The following ANKRD27 variants were observed in gnomAD, a reference collection of about 807,000 sequenced individuals.
ANKRD27 encodes ankyrin repeat domain 27.
In ANKRD27, 112 loss-of-function variants were observed where a neutral mutation model predicts 129.7. The observed-to-expected ratio is 0.86, with a 90% confidence interval of 0.74 to 1.01. The LOEUF (loss-of-function observed/expected upper bound fraction) is 1.01, where lower values mean the gene tolerates loss of function less well. Among genes scored for constraint, ANKRD27 ranks in the 50% least tolerant of loss-of-function variants. The pLI is 0.00. For missense variants in ANKRD27, 1,258 were observed against 1,300.5 expected (o/e 0.97, Z 0.50); for synonymous variants, 516 against 511.2 (o/e 1.01, Z -0.13).
At chr19:32,607,542 T>G in intron 23 of ANKRD27, 93 bp downstream of exon 23, 3 of 1,435,286 alleles carry the variant, frequency 2.1e-6, no homozygotes, top group Non-Finnish European at 1.9e-6. Flanking sequence ...TCCTCCAGGG[T>G]AGCCACCAAA....
chr19:32,617,195 A>T (rs1358697057), intron 21 of ANKRD27, among the ~76,000 whole-genome samples: 1 of 152,194 alleles, frequency 6.6e-6, no homozygotes, highest in Non-Finnish European at 1.5e-5. Flanking sequence ...TGAACCGGAG[A>T]CAAGAAACAC....
intron 18 of ANKRD27, among the ~76,000 whole-genome samples, chr19:32,621,364 C>G (rs141467643): frequency 1.6e-3 from 237 of 152,288 alleles, no homozygotes; most frequent in African/African-American, 5.5e-3. Context: ...CAATAACTCA[C>G]ACCTGTAATC....
chr19:32,616,028 A>G (rs1283592640), intron 21 of ANKRD27, among the ~76,000 whole-genome samples: 4 of 152,122 alleles, frequency 2.6e-5, no homozygotes, highest in Non-Finnish European at 5.9e-5. Context: ...CCTCAGGGTG[A>G]TGGCTTTAAA....
chr19:32,635,284 C>G (rs1967068722), intron 12 of ANKRD27, among the ~76,000 whole-genome samples: 1 of 152,080 alleles, frequency 6.6e-6, no homozygotes, highest in Non-Finnish European at 1.5e-5. Context: ...TCTTGCCCTG[C>G]AAGAACCAGA....
chr19:32,649,453 T>C lies in ANKRD27; in HGVS notation c.213+229A>G, dbSNP rs1001063562. Among the ~76,000 whole-genome samples, 11 of 152,210 alleles carry C rather than the reference T, an allele frequency of 7.2e-5. No homozygotes were observed. The East Asian group carries it at 9.7e-4, about 13-fold the overall frequency. On this transcript the variant is annotated intron_variant, in intron 3 of 28. Transcript: ENST00000306065. ...CCATCACGGGATCAGAGAGAGATGCTTGGCACCTCCCGGCCTCCAAGACAG... is the reference window on the plus strand; with the variant it reads ...CCATCACGGGATCAGAGAGAGATGCCTGGCACCTCCCGGCCTCCAAGACAG...
rs201026675 is a variant in ANKRD27, at chr19:32,639,382, G to A, written c.1090C>T (p.Gln364Ter). The part of the protein sequence containing the change: ...SFEAAIEYIR[Q>*]GSLSAKPPES... Reference sequence around the variant, plus strand: ...GGGGGTTTAGCAGAGAGGCTTCCTTGCCGAATATATTCAATGGCAGCTTCG... The same window carrying A: ...GGGGGTTTAGCAGAGAGGCTTCCTTACCGAATATATTCAATGGCAGCTTCG... The change falls in exon 12 of 29, where the codon CAA (glutamine) becomes TAA (stop). Residue 364 changes from glutamine to a stop codon, truncating the protein, a stop_gained. Coordinates refer to ENST00000306065, the MANE Select transcript of ANKRD27 (RefSeq NM_032139.3). LOFTEE classifies it high-confidence loss of function. 6.2e-7 allele frequency: 1 copy of A among 1,614,208 alleles called. No individual in the cohort carries two copies. Among genetic ancestry groups the A allele is most frequent in the African/African-American group, 1.3e-5 (1 of 75,062 alleles).
In ANKRD27 at chr19:32,604,340, C is replaced by G; in HGVS notation, c.2578G>C (p.Glu860Gln). 6.2e-7 allele frequency: 1 copy of G among 1,614,048 alleles called. No homozygotes were observed. The highest frequency in any genetic ancestry group is 8.5e-7 in the Non-Finnish European group (1 of 1,179,932). ...AVIEKHVFVVELLLLHGASVQ... is the reference protein window; with the variant it reads ...AVIEKHVFVVQLLLLHGASVQ... The stretch of plus-strand genomic sequence containing the variant: ...GACGCTCCGTGGAGCAGAAGCAGCT[C>G]TACCACGAAGACGTGCTTTTCAATC... Residue 860 changes from glutamate to glutamine, a missense_variant, in exon 25 of 29, where the codon GAG becomes CAG. Physicochemically the swap from Glu to Gln is conservative, Grantham distance 29. Coordinates refer to ENST00000306065, the MANE Select transcript of ANKRD27 (RefSeq NM_032139.3).
intron 12 of ANKRD27, among the ~76,000 whole-genome samples, chr19:32,635,271 G>A (rs1343474347): frequency 6.6e-6 from 1 of 152,110 alleles, no homozygotes; most frequent in Non-Finnish European, 1.5e-5. Flanking sequence ...AGACCAATCT[G>A]TTTCTTGCCC....
Position 32,643,317 on chromosome 19 carries a change from A to G in ANKRD27, c.675T>C (p.Phe225=), listed in dbSNP as rs758171513. The G allele has an allele frequency of 1.2e-6, 2 of 1,613,972 alleles. No homozygotes were observed. The highest frequency in any genetic ancestry group is 2.2e-5 in the East Asian group (1 of 44,888). The change falls in exon 8 of 29, where the codon TTT becomes TTC. Residue 225 remains phenylalanine (F), a synonymous_variant. Transcript: ENST00000306065. ...TTGCCTCCATGGTCCCCACGTATTT[A>G]AAGATCAGGTTGTAAATTTCATGAT... ...YVHHEIYNLI[F]KYVGTMEASE... is the part of the protein sequence containing the mutation.
intron 28 of ANKRD27, among the ~76,000 whole-genome samples, chr19:32,599,224 T>C (rs1971613935): frequency 6.6e-6 from 1 of 152,184 alleles, no homozygotes; most frequent in Non-Finnish European, 1.5e-5. Context: ...GAGACTGCAG[T>C]GAGCCGAGAT....
intron 1 of ANKRD27, among the ~76,000 whole-genome samples, chr19:32,672,310 T>C (rs1169060948): frequency 1.3e-5 from 2 of 152,256 alleles, no homozygotes; most frequent in African/African-American, 4.8e-5. Context: ...GATGTATGTA[T>C]GCTGTTACAG....
intron 20 of ANKRD27, 119 bp downstream of exon 20, chr19:32,619,141 T>C (rs28505804): frequency 0.54 from 742,429 of 1,364,826 alleles, 205,622 homozygotes; most frequent in Non-Finnish European, 0.57. Flanking sequence ...AGCAGCGGCC[T>C]CAGCATGGGC....
At chr19:32,604,222 G>C in intron 25 of ANKRD27, 41 bp downstream of exon 25, 1 of 1,560,024 alleles carries the variant, frequency 6.4e-7, no homozygotes. Context: ...GAGCTGTGAG[G>C]AGCTCAGGAT....
chr19:32,620,284 C>A (rs1007862867), intron 18 of ANKRD27, among the ~76,000 whole-genome samples: 3 of 151,270 alleles, frequency 2.0e-5, no homozygotes, highest in Non-Finnish European at 4.4e-5. Context: ...GGAAGCCGGG[C>A]GAGATGACCC....
intron 1 of ANKRD27, chr19:32,673,524 T>C (rs1206682767): frequency 1.1e-6 from 1 of 870,478 alleles, no homozygotes; most frequent in Non-Finnish European, 1.4e-6. Context: ...ACATCTGGCC[T>C]CTGGCCACCT....
rs1298513143 is a variant in ANKRD27, at chr19:32,597,290, C to G, written c.*855G>C. On this transcript the variant is annotated 3_prime_UTR_variant, in exon 29 of 29. Coordinates refer to ENST00000306065, the MANE Select transcript of ANKRD27 (RefSeq NM_032139.3). ...AAAAAGGAATAAATGGCAATAAATT[C>G]TAACCGAAAGTAACTCTGACCTGGT... 6.6e-6 allele frequency: 1 copy of G among 152,560 alleles called. No homozygotes were observed. Among genetic ancestry groups the G allele is most frequent in the Non-Finnish European group, 1.5e-5 (1 of 68,024 alleles). The allele number at this position is 152,560 out of a possible 1,614,324, so 9.5% of individuals were successfully genotyped here.
chr19:32,656,059 AAAAGAAAGAAAGAAAG>A (rs752509674), intron 2 of ANKRD27, among the ~76,000 whole-genome samples: 20 of 65,880 alleles, frequency 3.0e-4, no homozygotes, highest in East Asian at 9.4e-4. Flanking sequence ...GAAAAGAAAG[AAAAGAAAGAAAGAAAG>A]AAAGAAAGAA....
In ANKRD27 at chr19:32,619,497, G is replaced by A. The variant is rs1301660578; in HGVS notation, c.1884C>T (p.Ser628=). 18 of 1,613,960 alleles carry A rather than the reference G, an allele frequency of 1.1e-5. No homozygotes were observed. The highest frequency in any genetic ancestry group is 1.6e-4 in the Middle Eastern group (1 of 6,084). Residue 628 remains serine (S), a synonymous_variant, in exon 19 of 29, where the codon TCC becomes TCT. Transcript: ENST00000306065. ...HLSFERRQKS[S]EAPVQSPQRS... is the part of the protein sequence containing the mutation. Reference sequence around the variant, plus strand: ...CTGCTCAGCCCGGCTGACTTACCTCGGACGACTTCTGCCTCCTCTCGAAGG... The same window carrying A: ...CTGCTCAGCCCGGCTGACTTACCTCAGACGACTTCTGCCTCCTCTCGAAGG...
At chr19:32,634,871 C>T (rs1967061602) in intron 12 of ANKRD27, among the ~76,000 whole-genome samples, 1 of 152,094 alleles carries the variant, frequency 6.6e-6, no homozygotes, top group African/African-American at 2.4e-5. Context: ...GCTGAGATTG[C>T]ACCACTGCAC....
Sources: allele counts gnomAD v4.1 joint callset (sites outside exome capture counted in the v4.1 genomes callset), GRCh38; gene constraint gnomAD v4.1.1; transcripts MANE v1.5; gene names NCBI Gene and HGNC (gene_info 2026-07-23, HGNC 2026-07-21).